FBXL13: variants seen among roughly 807,000 people sequenced by gnomAD.
The protein encoded by FBXL13 is F-box and leucine rich repeat protein 13, also known as F-box and leucine-rich repeat protein 13.
A neutral mutation model predicts 83.6 loss-of-function variants in FBXL13; 67 were observed. The observed-to-expected ratio is 0.80, with a 90% CI of 0.66 to 0.98. The LOEUF is 0.98. Among genes scored for constraint, FBXL13 ranks in the 50% least tolerant of loss-of-function variants. FBXL13 has a pLI of 0.00. For synonymous variants in FBXL13, 272 were observed against 299.5 expected (o/e 0.91, Z 0.95); for missense variants, 822 against 866.5 (o/e 0.95, Z 0.64).
intron 15 of FBXL13, 95 bp downstream of exon 16, chr7:102,878,236 A>C: frequency 1.8e-6 from 2 of 1,115,048 alleles, no homozygotes; most frequent in Non-Finnish European, 2.4e-6. Context: ...ATGTTCCCCC[A>C]AATGTCATGA....
At chr7:102,822,097 T>C (rs1358152225) in exon 19 of FBXL13, 1 of 1,614,220 alleles carries the variant, frequency 6.2e-7, no homozygotes, top group Admixed American at 1.7e-5. Context: ...GCAGCCTATC[T>C]GAAGGTCCTC....
chr7:103,027,505 G>C (rs764221482), exon 5 of FBXL13: 1 of 1,613,034 alleles, frequency 6.2e-7, no homozygotes. Context: ...CATTTTGTTA[G>C]GATAATGGTT....
At chr7:103,054,390 G>GAAA (rs5886240) in intron 2 of FBXL13, among the ~76,000 whole-genome samples, 1 of 120,494 alleles carries the variant, frequency 8.3e-6, no homozygotes, top group African/African-American at 3.1e-5. Context: ...ACTCCGTCTG[G>GAAA]AAAAAAAAAA....
intron 11 of FBXL13, among the ~76,000 whole-genome samples, chr7:102,907,535 T>G (rs1813952415): frequency 6.8e-6 from 1 of 147,220 alleles, no homozygotes; most frequent in African/African-American, 2.5e-5. Context: ...GTGTTCTTAC[T>G]GTTCAACTCC....
At chr7:102,844,831 A>G (rs1245915034) in intron 17 of FBXL13, among the ~76,000 whole-genome samples, 1 of 152,206 alleles carries the variant, frequency 6.6e-6, no homozygotes, top group Non-Finnish European at 1.5e-5. Context: ...CCAGCTATAT[A>G]TTAGTGTTCC....
At chr7:102,838,073 CCTT>C (rs1802308658) in intron 17 of FBXL13, among the ~76,000 whole-genome samples, 2 of 152,184 alleles carry the variant, frequency 1.3e-5, no homozygotes, top group South Asian at 4.1e-4. Context: ...TAAGCCCAGT[CCTT>C]CTTCTCACTC....
rs376881631 is a variant in FBXL13 at position 102,944,739 on chromosome 7, A to T, written c.725-12806T>A. ...CAGCTAAAGGAAGCTTTCTTTAATT[A>T]TAAGTATTATTGTGACTATTATAGT... On this transcript the variant is annotated intron_variant, in intron 8 of 19. Transcript: ENST00000313221. 7 of 774,948 alleles carry T rather than the reference A, an allele frequency of 9.0e-6. No individual in the cohort carries two copies. In the Admixed American group the frequency reaches 1.2e-4, roughly 13 times the overall value. 48.0% of individuals were successfully genotyped at this position (774,948 alleles called of 1,614,324 possible).
intron 10 of FBXL13, among the ~76,000 whole-genome samples, chr7:102,920,644 G>A (rs966215000): frequency 6.6e-6 from 1 of 151,974 alleles, no homozygotes; most frequent in African/African-American, 2.4e-5. Flanking sequence ...ACCACGCATG[G>A]CCCATACACT....
downstream of FBXL13, among the ~76,000 whole-genome samples, chr7:102,811,856 C>T (rs1797453824): frequency 6.6e-6 from 1 of 152,196 alleles, no homozygotes; most frequent in African/African-American, 2.4e-5. Flanking sequence ...TCCTAGGAAC[C>T]TTTCCACAGC....
chr7:103,013,917 G>T (rs1223004209), intron 6 of FBXL13, among the ~76,000 whole-genome samples: 1 of 151,822 alleles, frequency 6.6e-6, no homozygotes, highest in Non-Finnish European at 1.5e-5. Flanking sequence ...AAACAGAGAA[G>T]ATCCAAATAA....
At chr7:102,917,849 T>C (rs847651) in intron 10 of FBXL13, among the ~76,000 whole-genome samples, 1,573 of 152,156 alleles carry the variant, frequency 0.01, 29 homozygotes, top group African/African-American at 0.035. Flanking sequence ...GTTGTGACAA[T>C]AGGAATAAAT....
intron 6 of FBXL13, among the ~76,000 whole-genome samples, chr7:103,003,278 G>GTTTTTTTTTT (rs563726626): frequency 4.0e-5 from 3 of 75,916 alleles, no homozygotes; most frequent in Admixed American, 1.5e-4. Flanking sequence ...TTGTTTTGGG[G>GTTTTTTTTTT]TTTTTTTTTT....
chr7:102,818,788 T>G (rs919752239), intron 19 of FBXL13, among the ~76,000 whole-genome samples: 18 of 152,160 alleles, frequency 1.2e-4, no homozygotes, highest in African/African-American at 4.1e-4. Flanking sequence ...TTTAAAAAAT[T>G]TATTTCCAAC....
intron 11 of FBXL13, among the ~76,000 whole-genome samples, chr7:102,898,378 T>C (rs766688482): frequency 2.0e-5 from 3 of 152,156 alleles, no homozygotes; most frequent in Non-Finnish European, 4.4e-5. Context: ...TCTCATTCTG[T>C]CACCCAGGCT....
At chr7:102,906,149 T>G (rs893549297) in intron 11 of FBXL13, among the ~76,000 whole-genome samples, 2 of 152,106 alleles carry the variant, frequency 1.3e-5, no homozygotes, top group Admixed American at 1.3e-4. Context: ...GAGAACAGCA[T>G]GGGAAAGACC....
At chr7:103,033,977 G>T (rs1794803354) in intron 2 of FBXL13, among the ~76,000 whole-genome samples, 1 of 152,066 alleles carries the variant, frequency 6.6e-6, no homozygotes, top group African/African-American at 2.4e-5. Context: ...CGACACAAAG[G>T]TTCTCCAAGT....
chr7:102,947,991 C>T (rs1350844706), intron 8 of FBXL13, among the ~76,000 whole-genome samples: 1 of 152,006 alleles, frequency 6.6e-6, no homozygotes, highest in Non-Finnish European at 1.5e-5. Context: ...TGGATCAATT[C>T]ATGTCTGTTT....
chr7:102,889,197 G>T (rs1302814198), intron 11 of FBXL13, among the ~76,000 whole-genome samples: 3 of 152,184 alleles, frequency 2.0e-5, no homozygotes, highest in African/African-American at 7.2e-5. Flanking sequence ...GAAGTTGTGT[G>T]ATCGGAGAAC....
At chr7:102,830,932 T>TG (rs1800552444) in intron 18 of FBXL13, among the ~76,000 whole-genome samples, 1 of 152,256 alleles carries the variant, frequency 6.6e-6, no homozygotes, top group South Asian at 2.1e-4. Context: ...CTCTTATGTC[T>TG]GGTAATCCTT....
Sources: gnomAD v4.1 joint callset for allele counts (sites outside exome capture counted in the v4.1 genomes callset) on GRCh38, gnomAD v4.1.1 for gene constraint, MANE v1.5 for transcripts, NCBI Gene and HGNC (gene_info 2026-07-23, HGNC 2026-07-21) for gene names.